The following ORC4 variants were observed in gnomAD, a reference collection of about 807,000 sequenced individuals.
ORC4 encodes the protein origin recognition complex, subunit 4 homolog.
Under a neutral mutation model 63.9 loss-of-function variants are expected in ORC4, and 55 were observed. That is an observed-to-expected ratio of 0.86 (90% CI 0.69 to 1.08). The LOEUF (loss-of-function observed/expected upper bound fraction) is 1.08. ORC4 is among the 50% of genes least tolerant of loss of function. ORC4 has a pLI of 0.00. For synonymous variants in ORC4, 150 were observed against 168.5 expected (o/e 0.89, Z 0.85); for missense variants, 511 against 504.4 (o/e 1.01, Z -0.13).
chr2:147,935,550 T>A lies in ORC4; in HGVS notation c.1271A>T (p.Asp424Val). The A allele has an allele frequency of 1.2e-6, 2 of 1,613,880 alleles. No homozygotes were observed. Among genetic ancestry groups the A allele is most frequent in the Non-Finnish European group, 1.7e-6 (2 of 1,179,806 alleles). ...ALQKYPNCPT[D>V]VRQWATSSLS... ...TGAGGATGTTGCCCACTGCCTCACA[T>A]CTGTAGGACAGTTGGGATATTTCTG... The change falls in exon 14 of 14, where the codon GAT (aspartate) becomes GTT (valine). Residue 424 changes from aspartate to valine, a missense_variant. Physicochemically the swap from Asp to Val is radical, Grantham distance 152. Coordinates refer to ENST00000392857, the MANE Select transcript of ORC4 (RefSeq NM_181741.4).
intron 8 of ORC4, among the ~76,000 whole-genome samples, chr2:147,949,891 T>A (rs1688857858): frequency 6.6e-6 from 1 of 151,870 alleles, no homozygotes; most frequent in Admixed American, 6.6e-5. Flanking sequence ...AAAAGGGGAG[T>A]AGTTTAAGCC....
intron 1 of ORC4, among the ~76,000 whole-genome samples, chr2:148,007,753 A>G (rs968403949): frequency 6.6e-6 from 1 of 152,218 alleles, no homozygotes; most frequent in African/African-American, 2.4e-5. Flanking sequence ...CAACCCAAAT[A>G]AGATTACCTT....
intron 1 of ORC4, among the ~76,000 whole-genome samples, chr2:148,006,310 C>CA (rs70992185): frequency 0.62 from 94,301 of 151,942 alleles, 29,901 homozygotes; most frequent in Middle Eastern, 0.76. Flanking sequence ...AGAAATCCTC[C>CA]CCCCAAGGAG....
rs17225705 is a variant in ORC4, at chr2:147,932,662, A to G, written c.*2848T>C. The G allele has an allele frequency of 3.3e-5, 5 of 152,132 alleles. No individual in the cohort carries two copies. Among genetic ancestry groups the G allele is most frequent in the Admixed American group, 6.6e-5 (1 of 15,232 alleles). 9.4% of individuals were successfully genotyped at this position (152,132 alleles called of 1,614,324 possible). ...CGTCTAAACAGATTATATTCCCACT[A>G]AAGTATGTGTGTTGGTCCTGCCAGT... is the stretch of plus-strand genomic sequence containing the variant. On this transcript the variant is annotated 3_prime_UTR_variant, in exon 14 of 14. Transcript: ENST00000392857.
intron 1 of ORC4, among the ~76,000 whole-genome samples, chr2:148,000,931 G>C (rs1396393999): frequency 6.6e-6 from 1 of 152,072 alleles, no homozygotes; most frequent in Non-Finnish European, 1.5e-5. Flanking sequence ...AGTAAGTCAA[G>C]AGATAATGCC....
intron 4 of ORC4, among the ~76,000 whole-genome samples, chr2:147,968,799 G>A (rs566807257): frequency 2.6e-5 from 4 of 151,964 alleles, no homozygotes; most frequent in South Asian, 2.1e-4. Flanking sequence ...ATAAAGGAAC[G>A]GAAATCATTA....
rs1482139256 is a variant in ORC4 at position 147,932,984 on chromosome 2, C to T, written c.*2526G>A. 2.0e-5 allele frequency: 3 copies of T among 152,014 alleles called. No individual in the cohort carries two copies. Among genetic ancestry groups the T allele is most frequent in the African/African-American group, 7.2e-5 (3 of 41,404 alleles). 9.4% of individuals were successfully genotyped at this position (152,014 alleles called of 1,614,324 possible). ...AGCATTATGATACAGTAAGTTTGGA[C>T]CAAACAGGTATTCATTCCCCAGAGC... On this transcript the variant is annotated 3_prime_UTR_variant, in exon 14 of 14. Transcript: ENST00000392857.
chr2:148,020,496 GC>G (rs1033588700), intron 1 of ORC4, 136 bp downstream of exon 1: 1 of 152,200 alleles, frequency 6.6e-6, no homozygotes, highest in Non-Finnish European at 1.5e-5. Context: ...ATACAAGCCT[GC>G]CCCCTTCCCA....
chr2:147,965,195 C>G (rs1689831247), intron 4 of ORC4, among the ~76,000 whole-genome samples: 1 of 151,814 alleles, frequency 6.6e-6, no homozygotes. Flanking sequence ...GAGAGGCACC[C>G]AACTGGAAAA....
chr2:147,940,304 A>G (rs946316382), intron 10 of ORC4, among the ~76,000 whole-genome samples: 1 of 152,134 alleles, frequency 6.6e-6, no homozygotes, highest in African/African-American at 2.4e-5. Flanking sequence ...ACACTGCATC[A>G]TATTTGTAGT....
In ORC4 at chr2:147,938,291, A is replaced by T; in HGVS notation, c.1054+7T>A. ...GTCAGAAAAAAGCTACTTAAGTCTC[A>T]TCTCACCATTATAGACCATTTGAAA... is the stretch of plus-strand genomic sequence containing the variant. On this transcript the variant is annotated splice_region_variant and intron_variant, in intron 12 of 13. Coordinates refer to ENST00000392857, the MANE Select transcript of ORC4 (RefSeq NM_181741.4). The T allele has an allele frequency of 6.3e-7, 1 of 1,596,374 alleles. No individual in the cohort carries two copies. The highest frequency in any genetic ancestry group is 8.6e-7 in the Non-Finnish European group (1 of 1,164,402).
At chr2:147,945,271 A>G (rs1688596601) in intron 9 of ORC4, among the ~76,000 whole-genome samples, 2 of 151,938 alleles carry the variant, frequency 1.3e-5, no homozygotes, top group South Asian at 4.2e-4. Context: ...AATCTTCTAT[A>G]CTCCACCTTC....
upstream of ORC4, chr2:148,021,460 CTGT>C (rs1181963757): frequency 5.2e-6 from 3 of 577,382 alleles, no homozygotes; most frequent in Admixed American, 6.5e-5. Flanking sequence ...TTTGCTGCTG[CTGT>C]TGCTGCTGCT....
In ORC4 at chr2:147,952,420, G is replaced by C; in HGVS notation, c.541C>G (p.Gln181Glu). ...TLLYNLFDIS[Q>E]SAQTPIAVIG... Reference sequence around the variant, plus strand: ...ACTGCTATTGGGGTCTGTGCAGACTGAGAAATGTCAAAAAGATTATAGAGA... The same window carrying C: ...ACTGCTATTGGGGTCTGTGCAGACTCAGAAATGTCAAAAAGATTATAGAGA... Residue 181 changes from glutamine (Q) to glutamate (E), a missense_variant, in exon 8 of 14, where the codon CAG becomes GAG. Coordinates refer to ENST00000392857, the MANE Select transcript of ORC4 (RefSeq NM_181741.4). 3 of 1,610,436 alleles carry C rather than the reference G, an allele frequency of 1.9e-6. No homozygotes were observed. Among genetic ancestry groups the C allele is most frequent in the Non-Finnish European group, 2.5e-6 (3 of 1,176,776 alleles).
In ORC4 at chr2:147,933,023, G is replaced by A. The variant is rs1057284374; in HGVS notation, c.*2487C>T. The A allele has an allele frequency of 6.6e-6, 1 of 151,708 alleles. No individual in the cohort carries two copies. Among genetic ancestry groups the A allele is most frequent in the Non-Finnish European group, 1.5e-5 (1 of 67,998 alleles). 9.4% of individuals were successfully genotyped at this position (151,708 alleles called of 1,614,324 possible). ...ATTCCCCAGAGCCTTTCACATGCACGAGAATCAGTCATTTTAACAAGAATT... is the reference window on the plus strand; with the variant it reads ...ATTCCCCAGAGCCTTTCACATGCACAAGAATCAGTCATTTTAACAAGAATT... On this transcript the variant is annotated 3_prime_UTR_variant, in exon 14 of 14. Coordinates refer to ENST00000392857, the MANE Select transcript of ORC4 (RefSeq NM_181741.4).
At chr2:148,008,342 G>T (rs1248781367) in intron 1 of ORC4, among the ~76,000 whole-genome samples, 2 of 152,120 alleles carry the variant, frequency 1.3e-5, no homozygotes, top group African/African-American at 4.8e-5. Context: ...CTTATCTAGA[G>T]AACCTTCTTC....
intron 6 of ORC4, among the ~76,000 whole-genome samples, chr2:147,956,543 C>T (rs532873522): frequency 6.6e-6 from 1 of 152,038 alleles, no homozygotes; most frequent in Non-Finnish European, 1.5e-5. Context: ...CTTATAATGT[C>T]CAGGCTCTGC....
chr2:147,935,208 G>T lies in ORC4; in HGVS notation c.*302C>A. On this transcript the variant is annotated 3_prime_UTR_variant, in exon 14 of 14. Transcript: ENST00000392857. ...AGACATCTAGCTGTTAGGTTGAAGT[G>T]AGCTCTTCAAATAGACCATTATATA... is the stretch of plus-strand genomic sequence containing the variant. 3.1e-6 allele frequency: 1 copy of T among 324,048 alleles called. No individual in the cohort carries two copies. The highest frequency in any genetic ancestry group is 5.8e-6 in the Non-Finnish European group (1 of 172,264). 20.1% of individuals were successfully genotyped at this position (324,048 alleles called of 1,614,324 possible).
At chr2:147,970,976 A>T (rs544096916) in intron 4 of ORC4, among the ~76,000 whole-genome samples, 1 of 144,226 alleles carries the variant, frequency 6.9e-6, no homozygotes, top group East Asian at 2.0e-4. Flanking sequence ...ACACAAAATT[A>T]AAAAAAAAAA....
Sources: allele counts gnomAD v4.1 joint callset (sites outside exome capture counted in the v4.1 genomes callset), GRCh38; gene constraint gnomAD v4.1.1; transcripts MANE v1.5; gene names NCBI Gene and HGNC (gene_info 2026-07-23, HGNC 2026-07-21).